The following LIMS1 variants were observed in gnomAD, a reference collection of about 807,000 sequenced individuals.
LIMS1 encodes the protein LIM zinc finger domain containing 1.
Under a neutral mutation model 44.1 loss-of-function variants are expected in LIMS1, and 18 were observed. The ratio of observed to expected loss-of-function variants is 0.41; its 90% CI spans 0.28 to 0.61. The LOEUF (loss-of-function observed/expected upper bound fraction) is 0.61, where lower values mean the gene tolerates loss of function less well. LIMS1 is among the 20% of genes least tolerant of loss of function. The pLI is 0.32. For missense variants in LIMS1, 201 were observed against 422.0 expected (o/e 0.48, Z 4.59); for synonymous variants, 93 against 149.1 (o/e 0.62, Z 2.74).
chr2:108,670,754 G>C (rs750418760), intron 2 of LIMS1, 27 bp from the exon 3 acceptor site: 1 of 1,611,996 alleles, frequency 6.2e-7, no homozygotes, highest in Admixed American at 1.7e-5. Context: ...TTTCGTGTTT[G>C]TAAGTTGGTG....
At chr2:108,557,893 G>C (rs1558786624) in intron 1 of LIMS1, among the ~76,000 whole-genome samples, 1 of 152,196 alleles carries the variant, frequency 6.6e-6, no homozygotes, top group African/African-American at 2.4e-5. Flanking sequence ...CCAACTTTGT[G>C]TGTGAGAACA....
At chr2:108,619,147 A>G (rs1298515984) in intron 1 of LIMS1, among the ~76,000 whole-genome samples, 1 of 152,116 alleles carries the variant, frequency 6.6e-6, no homozygotes, top group South Asian at 2.1e-4. Context: ...AGTAGTCACC[A>G]AGTTGTTTTC....
At chr2:108,591,035 G>C (rs1377586398) in intron 1 of LIMS1, among the ~76,000 whole-genome samples, 1 of 152,192 alleles carries the variant, frequency 6.6e-6, no homozygotes, top group Non-Finnish European at 1.5e-5. Flanking sequence ...TGTATGTGGA[G>C]TATTGGTCTT....
At chr2:108,638,558 A>G (rs1459785515) in intron 1 of LIMS1, among the ~76,000 whole-genome samples, 1 of 152,054 alleles carries the variant, frequency 6.6e-6, no homozygotes, top group Admixed American at 6.6e-5. Context: ...AGCCTGTCCA[A>G]CATGGTGAAA....
At chr2:108,628,341 A>G (rs1043940810) in intron 1 of LIMS1, among the ~76,000 whole-genome samples, 2 of 152,114 alleles carry the variant, frequency 1.3e-5, no homozygotes, top group African/African-American at 4.8e-5. Context: ...TTGAGTATGT[A>G]TGGCTCAGAT....
chr2:108,586,995 G>C (rs539974215), intron 1 of LIMS1, among the ~76,000 whole-genome samples: 4 of 152,174 alleles, frequency 2.6e-5, no homozygotes, highest in Non-Finnish European at 5.9e-5. Context: ...ATTACATTCA[G>C]TATTGTGTGA....
chr2:108,534,700 C>A, intron 1 of LIMS1, 106 bp downstream of exon 1: 1 of 591,328 alleles, frequency 1.7e-6, no homozygotes, highest in Non-Finnish European at 2.1e-6. Flanking sequence ...CCGGGCTTTC[C>A]CCGCGGCCTC....
At chr2:108,582,113 ATGAGT>A (rs1449204779) in intron 1 of LIMS1, among the ~76,000 whole-genome samples, 2 of 152,222 alleles carry the variant, frequency 1.3e-5, no homozygotes, top group African/African-American at 4.8e-5. Context: ...TGTGATATTG[ATGAGT>A]TAAGTCAAAC....
chr2:108,561,802 C>T (rs1231717262), intron 1 of LIMS1, among the ~76,000 whole-genome samples: 1 of 144,240 alleles, frequency 6.9e-6, no homozygotes. Flanking sequence ...AGTGCAGTGG[C>T]GTGATCTTGG....
chr2:108,656,850 T>C lies in LIMS1; in HGVS notation c.33-2755T>C, dbSNP rs1193617273. On this transcript the variant is annotated intron_variant, in intron 1 of 9. Coordinates refer to ENST00000544547, the Ensembl canonical transcript of LIMS1. ...AATCAAACGTTTTAATCTAAGGGCC[T>C]CTTAACACTCTTAAAAACTATTAAG... Among the ~76,000 whole-genome samples, 20 of 91,834 alleles carry C rather than the reference T, an allele frequency of 2.2e-4. No homozygotes were observed. In the Middle Eastern group the frequency reaches 0.012, roughly 57 times the overall value. The allele number at this position is 91,834 out of a possible 152,430, so 60.2% of individuals were successfully genotyped here.
chr2:108,566,919 G>GT (rs1376205688), intron 1 of LIMS1, among the ~76,000 whole-genome samples: 1 of 152,114 alleles, frequency 6.6e-6, no homozygotes, highest in Non-Finnish European at 1.5e-5. Flanking sequence ...TTTTAAGTGT[G>GT]TAGTTCAGTG....
chr2:108,652,254 A>T, intron 1 of LIMS1, among the ~76,000 whole-genome samples: 1 of 152,272 alleles, frequency 6.6e-6, no homozygotes, highest in Non-Finnish European at 1.5e-5. Flanking sequence ...AAATTTCTAT[A>T]GTTTCATTCA....
At chr2:108,559,066 GAGCTAAGCCTTGCTT>G (rs1312194060) in intron 1 of LIMS1, among the ~76,000 whole-genome samples, 3 of 152,190 alleles carry the variant, frequency 2.0e-5, no homozygotes, top group Non-Finnish European at 4.4e-5. Flanking sequence ...GCTGAGCAAG[GAGCTAAGCCTTGCTT>G]AGCTAAGCCT....
exon 1 of LIMS1, chr2:108,534,415 G>C (rs1573277758): frequency 7.4e-6 from 3 of 404,812 alleles, no homozygotes. Flanking sequence ...CCCCCCTCCC[G>C]CGCCCCCGCG....
At chr2:108,588,270 G>A (rs1686201332) in intron 1 of LIMS1, 3 of 802,676 alleles carry the variant, frequency 3.7e-6, no homozygotes, top group African/African-American at 1.9e-5. Flanking sequence ...CTAAATACAG[G>A]AAAAAAAAAA....
rs905614325 is a variant in LIMS1 at position 108,534,915 on chromosome 2, T to A, written c.32+321T>A. Among the ~76,000 whole-genome samples, 9 of 152,104 alleles carry A rather than the reference T, an allele frequency of 5.9e-5. No individual in the cohort carries two copies. The South Asian group carries it at 1.5e-3, about 25-fold the overall frequency. ...TCTTCTAGCAGTAGGGATCAGCGGG[T>A]CGCAGACGTCTTGGTCTCAGGACCC... On this transcript the variant is annotated intron_variant, in intron 1 of 9. Coordinates refer to ENST00000544547, the Ensembl canonical transcript of LIMS1.
intron 1 of LIMS1, among the ~76,000 whole-genome samples, chr2:108,602,588 T>A (rs1687073568): frequency 6.6e-6 from 1 of 152,216 alleles, no homozygotes; most frequent in Non-Finnish European, 1.5e-5. Flanking sequence ...ATATGATGTA[T>A]CACATTGATT....
chr2:108,611,961 T>C (rs1558809007), intron 1 of LIMS1, among the ~76,000 whole-genome samples: 1 of 145,680 alleles, frequency 6.9e-6, no homozygotes, highest in African/African-American at 2.5e-5. Flanking sequence ...ACATATATTA[T>C]ATATACACAT....
chr2:108,586,540 C>T (rs1468165755), intron 1 of LIMS1, among the ~76,000 whole-genome samples: 11 of 152,290 alleles, frequency 7.2e-5, no homozygotes, highest in Admixed American at 6.5e-4. Context: ...AGGTCGATTA[C>T]GAGAAGACCT....
Sources: gnomAD v4.1 joint callset for allele counts (sites outside exome capture counted in the v4.1 genomes callset) on GRCh38, gnomAD v4.1.1 for gene constraint, MANE v1.5 for transcripts, NCBI Gene and HGNC (gene_info 2026-07-23, HGNC 2026-07-21) for gene names.